The following MEIOB variants were observed in gnomAD, a reference collection of about 807,000 sequenced individuals.
MEIOB encodes meiosis-specific with OB domain-containing protein.
Under a neutral mutation model 53.1 loss-of-function variants are expected in MEIOB, and 50 were observed. The ratio of observed to expected loss-of-function variants is 0.94; its 90% CI spans 0.75 to 1.19. The LOEUF is 1.19. Among genes scored for constraint, MEIOB ranks in the 50% most tolerant of loss-of-function variants. The pLI is 0.00. For missense variants in MEIOB, 551 were observed against 550.8 expected, an observed-to-expected ratio of 1.00 and a Z score of 0.00; for synonymous variants, 192 against 182.5, an observed-to-expected ratio of 1.05 and a Z score of -0.42.
chr16:1,839,697 G>C (rs1406505771), intron 11 of MEIOB: 4 of 382,500 alleles, frequency 1.0e-5, no homozygotes, highest in Non-Finnish European at 1.9e-5. Flanking sequence ...AGCCCTCGAG[G>C]TCCATCCCAG....
chr16:1,865,755 C>T, intron 3 of MEIOB, 23 bp downstream of exon 3: 1 of 1,528,260 alleles, frequency 6.5e-7, no homozygotes, highest in South Asian at 1.2e-5. Context: ...AAAAATGAAA[C>T]CAAGAGTTAA....
At chr16:1,834,570 C>A (rs901473672) in intron 13 of MEIOB, among the ~76,000 whole-genome samples, 1 of 152,160 alleles carries the variant, frequency 6.6e-6, no homozygotes, top group Non-Finnish European at 1.5e-5. Context: ...CAGCTTCTGA[C>A]TGATTTTGTA....
chr16:1,842,863 C>T (rs1390160978), intron 10 of MEIOB, among the ~76,000 whole-genome samples: 1 of 149,232 alleles, frequency 6.7e-6, no homozygotes, highest in Admixed American at 6.6e-5. Flanking sequence ...GGGTTTTCAC[C>T]GTGTTAGCCA....
At chr16:1,868,048 T>G (rs1899637663) in intron 2 of MEIOB, 59 bp downstream of exon 2, 7 of 869,874 alleles carry the variant, frequency 8.0e-6, no homozygotes, top group Non-Finnish European at 1.3e-5. Context: ...ATAACATTGA[T>G]GTAATGTTAT....
intron 9 of MEIOB, among the ~76,000 whole-genome samples, chr16:1,848,057 C>A (rs58987215): frequency 6.6e-6 from 1 of 151,816 alleles, no homozygotes; most frequent in South Asian, 2.1e-4. Flanking sequence ...AAGCGGTCCT[C>A]CTATCTCAGC....
chr16:1,835,581 A>G (rs1169797976), intron 13 of MEIOB, among the ~76,000 whole-genome samples: 3 of 152,156 alleles, frequency 2.0e-5, no homozygotes, highest in Admixed American at 6.6e-5. Context: ...TACCCTTTCA[A>G]TGGAATGTTG....
At chr16:1,852,081 G>A (rs1899184885) in intron 9 of MEIOB, among the ~76,000 whole-genome samples, 1 of 152,162 alleles carries the variant, frequency 6.6e-6, no homozygotes, top group African/African-American at 2.4e-5. Flanking sequence ...ATACTACACA[G>A]AGAGTACTGT....
At position 1,854,135 on chromosome 16, in the gene MEIOB, G is replaced by T. The variant is rs1480872822; in HGVS notation, c.594C>A (p.Leu198=). The T allele has an allele frequency of 2.6e-6, 4 of 1,551,058 alleles. No homozygotes were observed. The highest frequency in any genetic ancestry group is 3.5e-6 in the Non-Finnish European group (4 of 1,146,768). The change falls in exon 7 of 14, where the codon CTC becomes CTA. Residue 198 remains leucine (L), a synonymous_variant. Coordinates refer to ENST00000325962, the MANE Select transcript of MEIOB (RefSeq NM_001163560.3). ...CAAAAGACGACTCTGTTTCATCATAGAGTCTAACTTCACACCTCTGGCCTT... is the reference window on the plus strand; with the variant it reads ...CAAAAGACGACTCTGTTTCATCATATAGTCTAACTTCACACCTCTGGCCTT... ...RRKGQRCEVR[L]YDETESSFAM...
chr16:1,834,220 C>T lies in MEIOB; in HGVS notation c.*36G>A, dbSNP rs776945963. The T allele has an allele frequency of 4.3e-6, 5 of 1,149,864 alleles. No individual in the cohort carries two copies. The highest frequency in any genetic ancestry group is 6.5e-6 in the Non-Finnish European group (5 of 770,068). The allele number at this position is 1,149,864 out of a possible 1,614,324, so 71.2% of individuals were successfully genotyped here. A position where few individuals can be genotyped will look rare whatever the true frequency, so the allele number is the denominator to read the frequency against. On this transcript the variant is annotated 3_prime_UTR_variant, in exon 14 of 14. Coordinates refer to ENST00000325962, the MANE Select transcript of MEIOB (RefSeq NM_001163560.3). ...TTCCATTTTAAAGGGAGTTAAAACT[C>T]TTATACTTTTCCAGAGTTCAAAATG...
At chr16:1,847,281 G>C (rs1279376881) in intron 9 of MEIOB, among the ~76,000 whole-genome samples, 1 of 152,016 alleles carries the variant, frequency 6.6e-6, no homozygotes, top group African/African-American at 2.4e-5. Context: ...GGCCAACATT[G>C]TGAAACCCCG....
chr16:1,857,209 C>T (rs1203016504), intron 6 of MEIOB, among the ~76,000 whole-genome samples: 4 of 152,210 alleles, frequency 2.6e-5, no homozygotes, highest in Non-Finnish European at 5.9e-5. Context: ...GGGAACACCC[C>T]CCTGGTGCCC....
intron 3 of MEIOB, among the ~76,000 whole-genome samples, chr16:1,863,733 A>C (rs1899516311): frequency 6.7e-6 from 1 of 148,892 alleles, no homozygotes; most frequent in Non-Finnish European, 1.5e-5. Flanking sequence ...CTCAAAAAAA[A>C]AAAAAATAAA....
intron 7 of MEIOB, 91 bp downstream of exon 7, chr16:1,854,009 G>C: frequency 2.7e-6 from 2 of 735,132 alleles, no homozygotes; most frequent in East Asian, 5.4e-5. Flanking sequence ...ATCCTCTCTT[G>C]ATATGAAGTC....
chr16:1,857,520 G>A (rs1899336289), intron 6 of MEIOB, among the ~76,000 whole-genome samples: 1 of 152,188 alleles, frequency 6.6e-6, no homozygotes, highest in Non-Finnish European at 1.5e-5. Flanking sequence ...ACTGCATTTA[G>A]CATTCAAATA....
At position 1,861,885 on chromosome 16, in the gene MEIOB, C is replaced by T. The variant is rs150893226; in HGVS notation, c.259+100G>A. 4,046 of 1,207,410 alleles carry T rather than the reference C, an allele frequency of 3.4e-3. 11 individuals carry two copies. Among genetic ancestry groups the T allele is most frequent in the Non-Finnish European group, 4.3e-3 (3,740 of 871,302 alleles). The allele number at this position is 1,207,410 out of a possible 1,614,324, so 74.8% of individuals were successfully genotyped here. On this transcript the variant is annotated intron_variant, in intron 4 of 13. Transcript: ENST00000325962. ...TTTCTGATAAAGTTCTTGAGAATTACGAACTGTGTCTCATTTCAACTCCTT... is the reference window on the plus strand; with the variant it reads ...TTTCTGATAAAGTTCTTGAGAATTATGAACTGTGTCTCATTTCAACTCCTT...
At chr16:1,842,453 T>TAAAA (rs74460539) in intron 10 of MEIOB, among the ~76,000 whole-genome samples, 166 of 124,748 alleles carry the variant, frequency 1.3e-3, no homozygotes, top group African/African-American at 4.8e-3. Context: ...TGTCTCTACT[T>TAAAA]AAAAAAAAAA....
chr16:1,854,050 T>C, intron 7 of MEIOB, 50 bp downstream of exon 7: 1 of 1,027,302 alleles, frequency 9.7e-7, no homozygotes, highest in Middle Eastern at 2.0e-4. Flanking sequence ...GAAAATGTCC[T>C]GGTGATAACT....
chr16:1,841,905 C>G lies in MEIOB; in HGVS notation c.949G>C (p.Ala317Pro). Residue 317 changes from alanine to proline, a missense_variant, in exon 11 of 14, where the codon GCT (alanine) becomes CCT (proline). Physicochemically the swap from Ala to Pro is conservative, Grantham distance 27. Transcript: ENST00000325962. Reference protein sequence around the residue: ...KGKALKNEGKADPSYGILYAY... With the variant: ...KGKALKNEGKPDPSYGILYAY... The stretch of plus-strand genomic sequence containing the variant: ...TAAAGGATGCCATAGGAAGGATCAG[C>G]TTTTCCTTCATTCTTCAAAGCTTTT... The G allele has an allele frequency of 7.5e-6, 12 of 1,608,474 alleles. No homozygotes were observed. Among genetic ancestry groups the G allele is most frequent in the Non-Finnish European group, 1.0e-5 (12 of 1,177,066 alleles).
chr16:1,865,821 T>C lies in MEIOB; in HGVS notation c.84A>G (p.Ile28Met), dbSNP rs983499748. 7 of 1,548,008 alleles carry C rather than the reference T, an allele frequency of 4.5e-6. No individual in the cohort carries two copies. The highest frequency in any genetic ancestry group is 1.7e-4 in the Middle Eastern group (1 of 5,978). The part of the protein sequence containing the change: ...TNMANLKVIG[I>M]VIGKTDVKGF... ...CTTTGACATCTGTTTTCCCAATAAC[T>C]ATACCGATAACTTTCTGAAAAACAA... is the stretch of plus-strand genomic sequence containing the variant. The change falls in exon 3 of 14, where the codon ATA (isoleucine) becomes ATG (methionine). Residue 28 changes from isoleucine (I) to methionine (M), a missense_variant. By Grantham distance (10) the Ile-to-Met change is conservative. Coordinates refer to ENST00000325962, the MANE Select transcript of MEIOB (RefSeq NM_001163560.3).
Sources: gnomAD v4.1 joint callset for allele counts (sites outside exome capture counted in the v4.1 genomes callset) on GRCh38, gnomAD v4.1.1 for gene constraint, MANE v1.5 for transcripts, NCBI Gene and HGNC (gene_info 2026-07-23, HGNC 2026-07-21) for gene names.